Variants in BMP1 observed in about 807,000 individuals in gnomAD.
BMP1 encodes the protein bone morphogenetic protein 1.
A neutral mutation model predicts 116.8 loss-of-function variants in BMP1; 63 were observed. The observed-to-expected ratio is 0.54, with a 90% CI of 0.44 to 0.67. The LOEUF (loss-of-function observed/expected upper bound fraction) is 0.67, where lower values mean the gene tolerates loss of function less well. Among genes scored for constraint, BMP1 ranks in the 30% least tolerant of loss-of-function variants. BMP1 has a pLI of 0.00. For missense variants in BMP1, 1,183 were observed against 1,358.9 expected (o/e 0.87, Z 2.04); for synonymous variants, 536 against 533.4 (o/e 1.00, Z -0.07).
At chr8:22,165,628 G>A in intron 1 of BMP1, 75 bp downstream of exon 1, 1 of 1,448,704 alleles carries the variant, frequency 6.9e-7, no homozygotes, top group South Asian at 1.4e-5. Flanking sequence ...GGTTGGGGGA[G>A]GACAGTCCAG....
intron 1 of BMP1, chr8:22,170,992 A>G (rs2131840565): frequency 6.6e-6 from 1 of 152,240 alleles, no homozygotes; most frequent in South Asian, 2.1e-4. Flanking sequence ...GCAGATGCAC[A>G]TCTACGTGAA....
chr8:22,210,367 C>CTTTTTTTT (rs1198888155), intron 19 of BMP1, among the ~76,000 whole-genome samples: 3 of 118,404 alleles, frequency 2.5e-5, no homozygotes, highest in Non-Finnish European at 5.2e-5. Flanking sequence ...GCCTCTTCTT[C>CTTTTTTTT]TTTTTTTTTT....
Position 22,194,171 on chromosome 8 carries a change from G to C in BMP1, c.1294G>C (p.Glu432Gln). 6.2e-7 allele frequency: 1 copy of C among 1,613,932 alleles called. No individual in the cohort carries two copies. Residue 432 changes from glutamate (E) to glutamine (Q), a missense_variant, in exon 10 of 20, where the codon GAA becomes CAA. Glu to Gln is a conservative substitution (Grantham distance 29). Transcript: ENST00000306385. The surrounding 1 kb of genome is among the most constrained non-coding windows in gnomAD (Gnocchi z 4.5). ...WVGKGFFAVY[E>Q]AICGGDVKKD... ...TGGAAAGGGCTTCTTTGCAGTCTACGAAGGTACTGAGGAAGGCGGCGGGCG... is the reference window on the plus strand; with the variant it reads ...TGGAAAGGGCTTCTTTGCAGTCTACCAAGGTACTGAGGAAGGCGGCGGGCG...
At chr8:22,210,477 T>TACACAC (rs1829445551) in intron 19 of BMP1, among the ~76,000 whole-genome samples, 3 of 84,856 alleles carry the variant, frequency 3.5e-5, no homozygotes, top group South Asian at 6.4e-4. Context: ...CTCACACACA[T>TACACAC]ACACACACAC....
At chr8:22,169,306 A>G (rs1828208958) in intron 1 of BMP1, 1 of 152,172 alleles carries the variant, frequency 6.6e-6, no homozygotes, top group African/African-American at 2.4e-5. Flanking sequence ...CAAGGGAGTC[A>G]GCTAATCTCT....
chr8:22,183,734 C>T (rs1484970452), intron 8 of BMP1, among the ~76,000 whole-genome samples: 3 of 152,072 alleles, frequency 2.0e-5, no homozygotes, highest in African/African-American at 7.2e-5. Flanking sequence ...TGTGCCACCA[C>T]ACCCGGCTAA....
At chr8:22,200,134 C>A (rs1829216804) in intron 15 of BMP1, among the ~76,000 whole-genome samples, 1 of 152,204 alleles carries the variant, frequency 6.6e-6, no homozygotes, top group Non-Finnish European at 1.5e-5. Flanking sequence ...CCAGGCACAC[C>A]ATCCTCCAAG....
At position 22,179,858 on chromosome 8, in the gene BMP1, C is replaced by T. The variant is rs374785819; in HGVS notation, c.961+29C>T. 28 of 1,599,848 alleles carry T rather than the reference C, an allele frequency of 1.8e-5. No homozygotes were observed. Among genetic ancestry groups the T allele is most frequent in the African/African-American group, 8.0e-5 (6 of 74,636 alleles). ...AGGGCAGAGAAGGGATGGGTGAGGG[C>T]GTGGAGGGCAGGGCCTGAGGGAGGC... On this transcript the variant is annotated intron_variant, in intron 7 of 19. Transcript: ENST00000306385. This position sits in a 1 kb window ranked among gnomAD's most constrained non-coding sequence, Gnocchi z 4.6.
intron 8 of BMP1, among the ~76,000 whole-genome samples, chr8:22,188,230 G>A (rs1181967843): frequency 7.1e-6 from 1 of 140,306 alleles, no homozygotes; most frequent in Non-Finnish European, 1.5e-5. Flanking sequence ...GCCCAGTGGT[G>A]TGATCATGGC....
In BMP1 at chr8:22,180,434, C is replaced by G; in HGVS notation, c.1028C>G (p.Ser343Cys). The G allele has an allele frequency of 6.2e-7, 1 of 1,614,110 alleles. No individual in the cohort carries two copies. Among genetic ancestry groups the G allele is most frequent in the Non-Finnish European group, 8.5e-7 (1 of 1,179,982 alleles). The stretch of plus-strand genomic sequence containing the variant: ...TCCCCTGAATACCCCAATGGCTACT[C>G]TGCTCACATGCACTGCGTGTGGCGC... ...FSSPEYPNGY[S>C]AHMHCVWRIS... Residue 343 changes from serine to cysteine, a missense_variant, in exon 8 of 20, where the codon TCT (serine) becomes TGT (cysteine). Physicochemically the swap from Ser to Cys is moderately radical, Grantham distance 112. Transcript: ENST00000306385.
At chr8:22,185,443 A>G (rs915504715) in intron 8 of BMP1, among the ~76,000 whole-genome samples, 1 of 151,776 alleles carries the variant, frequency 6.6e-6, no homozygotes, top group Non-Finnish European at 1.5e-5. Context: ...GCAACAGAGT[A>G]AGACTCAGTC....
At chr8:22,184,343 A>G (rs2131862055) in intron 8 of BMP1, among the ~76,000 whole-genome samples, 1 of 152,344 alleles carries the variant, frequency 6.6e-6, no homozygotes, top group Non-Finnish European at 1.5e-5. Context: ...GCCTTGCCCC[A>G]AAAGCATCTC....
intron 1 of BMP1, among the ~76,000 whole-genome samples, chr8:22,172,507 G>C (rs1828308858): frequency 6.7e-6 from 1 of 149,932 alleles, no homozygotes; most frequent in Admixed American, 6.7e-5. Context: ...CTTGAGAACT[G>C]TTAAACTTTT....
chr8:22,166,793 C>G (rs1828126274), intron 1 of BMP1, among the ~76,000 whole-genome samples: 1 of 152,182 alleles, frequency 6.6e-6, no homozygotes, highest in African/African-American at 2.4e-5. Context: ...CCCCTCTACA[C>G]CTGCTGGGCT....
chr8:22,194,724 A>G lies in BMP1; in HGVS notation c.1444A>G (p.Ile482Val). 6.2e-7 allele frequency: 1 copy of G among 1,602,892 alleles called. No homozygotes were observed. Among genetic ancestry groups the G allele is most frequent in the Non-Finnish European group, 8.5e-7 (1 of 1,173,624 alleles). ...CCACTGATGAAGCCTCGACCCCTAG[A>G]TTGAGCGCCACGACAGCTGTGCCTA... Reference protein sequence around the residue: ...HVGLTFQSFEIERHDSCAYDY... With the variant: ...HVGLTFQSFEVERHDSCAYDY... The change falls in exon 12 of 20, where the codon ATT (isoleucine) becomes GTT (valine). Residue 482 changes from isoleucine (I) to valine (V), a missense_variant and splice_region_variant. Coordinates refer to ENST00000306385, the MANE Select transcript of BMP1 (RefSeq NM_006129.5). The surrounding 1 kb of genome is among the most constrained non-coding windows in gnomAD (Gnocchi z 4.5).
chr8:22,172,574 G>C (rs1185350379), intron 1 of BMP1, among the ~76,000 whole-genome samples: 1 of 134,750 alleles, frequency 7.4e-6, no homozygotes, highest in Admixed American at 7.4e-5. Context: ...ATGCTTATCT[G>C]TTCTAATGAA....
chr8:22,196,574 G>A, intron 13 of BMP1, 106 bp from the exon 14 acceptor site: 1 of 1,539,238 alleles, frequency 6.5e-7, no homozygotes, highest in Admixed American at 1.7e-5. Context: ...GCCTTGGGGA[G>A]TCCACAGGCT....
chr8:22,193,922 G>A, intron 9 of BMP1, 136 bp from the exon 10 acceptor site: 1 of 719,270 alleles, frequency 1.4e-6, no homozygotes, highest in Non-Finnish European at 2.4e-6. Context: ...CAACCAGAGG[G>A]TATACAGTCT....
At chr8:22,173,800 G>C (rs965185394) in intron 2 of BMP1, 85 bp downstream of exon 2, 2 of 1,101,978 alleles carry the variant, frequency 1.8e-6, no homozygotes, top group Non-Finnish European at 2.6e-6. Flanking sequence ...TTCCCAGCCA[G>C]GCCCTCCCAG....
Sources: allele counts gnomAD v4.1 joint callset (sites outside exome capture counted in the v4.1 genomes callset), GRCh38; gene constraint gnomAD v4.1.1; non-coding constraint Gnocchi (gnomAD v3.1); transcripts MANE v1.5; gene names NCBI Gene and HGNC (gene_info 2026-07-23, HGNC 2026-07-21).